DAPK2: variants seen among roughly 807,000 people sequenced by gnomAD.
DAPK2 encodes the protein death associated protein kinase 2, also known as death-associated protein kinase 2.
A neutral mutation model predicts 44.1 loss-of-function variants in DAPK2; 35 were observed. That is an observed-to-expected ratio of 0.79 (90% CI 0.61 to 1.05). DAPK2 has a LOEUF of 1.05. DAPK2 is among the 50% of genes least tolerant of loss of function. DAPK2 has a pLI of 0.00. For missense variants in DAPK2, 453 were observed against 483.2 expected (o/e 0.94, Z 0.59); for synonymous variants, 174 against 182.6 (o/e 0.95, Z 0.38).
At chr15:63,953,974 C>T (rs1485157108) in intron 3 of DAPK2, among the ~76,000 whole-genome samples, 1 of 152,062 alleles carries the variant, frequency 6.6e-6, no homozygotes, top group Non-Finnish European at 1.5e-5. Flanking sequence ...TCCTGTGATG[C>T]TGATTTTGCC....
chr15:63,998,739 G>A (rs2079012299), intron 1 of DAPK2, among the ~76,000 whole-genome samples: 1 of 152,208 alleles, frequency 6.6e-6, no homozygotes, highest in African/African-American at 2.4e-5. Context: ...GCCCTGCACT[G>A]TTCTGTCTAC....
At chr15:63,907,890 T>G (rs1163107725) in exon 11 of DAPK2, 1 of 152,072 alleles carries the variant, frequency 6.6e-6, no homozygotes, top group African/African-American at 2.4e-5. Flanking sequence ...CTAAAGGAAA[T>G]GAGATGGGGG....
chr15:63,912,819 C>T lies in DAPK2; in HGVS notation c.859-622G>A, dbSNP rs943503007. On this transcript the variant is annotated intron_variant, in intron 8 of 10. Transcript: ENST00000261891. The surrounding 1 kb of genome is among the most constrained non-coding windows in gnomAD (Gnocchi z 4.4). ...ACAGGGTTGTTAAGGATTATATGAT[C>T]ATGCATATATAAAGTGCTTAGCCCA... Among the ~76,000 whole-genome samples the T allele has an allele frequency of 6.6e-6, 1 of 152,096 alleles. No individual in the cohort carries two copies. The highest frequency in any genetic ancestry group is 2.4e-5 in the African/African-American group (1 of 41,404).
In DAPK2 at chr15:63,946,710, G is replaced by A. The variant is rs577902720; in HGVS notation, c.454-7349C>T. Among the ~76,000 whole-genome samples, 8 of 152,232 alleles carry A rather than the reference G, an allele frequency of 5.3e-5. No individual in the cohort carries two copies. In the South Asian group the frequency reaches 1.7e-3, roughly 32 times the overall value. ...GAAACTACCAAGGTCACTGAGCAAG[G>A]ACCTCCAGCCCAGTGCCCTCTCCAG... On this transcript the variant is annotated intron_variant, in intron 3 of 10. Coordinates refer to ENST00000261891, the Ensembl canonical transcript of DAPK2.
At chr15:63,962,790 CG>C (rs1340984765) in intron 3 of DAPK2, among the ~76,000 whole-genome samples, 5 of 152,208 alleles carry the variant, frequency 3.3e-5, no homozygotes, top group African/African-American at 9.6e-5. Context: ...TTAGGCTACT[CG>C]GGGGTCAGGG....
chr15:63,991,286 G>A (rs1313504588), intron 1 of DAPK2: 2 of 456,296 alleles, frequency 4.4e-6, no homozygotes, highest in South Asian at 1.5e-5. Context: ...TGAGAAACAC[G>A]CAGGGAGCAG....
intron 6 of DAPK2, chr15:63,928,528 T>C (rs1411468969): frequency 1.3e-5 from 2 of 152,228 alleles, no homozygotes; most frequent in Admixed American, 6.5e-5. Context: ...ACTAGCCCAC[T>C]GTGCATGTTC....
rs555564904 is a variant in DAPK2, at chr15:63,990,927, C to T, written c.93-7173G>A. On this transcript the variant is annotated intron_variant, in intron 1 of 10. Transcript: ENST00000261891. The surrounding 1 kb of genome is among the most constrained non-coding windows in gnomAD (Gnocchi z 4.3). ...GCCACAGCCTGCCTGGGGATGGTGT[C>T]ACTGAGCCCCCTCCCTACTCCTCTG... is the stretch of plus-strand genomic sequence containing the variant. Among the ~76,000 whole-genome samples the T allele has an allele frequency of 6.6e-5, 10 of 152,278 alleles. No individual in the cohort carries two copies. The South Asian group carries it at 1.7e-3, about 25-fold the overall frequency.
At chr15:63,913,264 T>G (rs1184165800) in intron 8 of DAPK2, among the ~76,000 whole-genome samples, 1 of 152,240 alleles carries the variant, frequency 6.6e-6, no homozygotes, top group Non-Finnish European at 1.5e-5. Context: ...GTAAATGTTC[T>G]GGAATTAGAT....
At chr15:64,046,327 C>CGGGCGCGGCGGG (rs1382470296), upstream of DAPK2, 18 of 950,698 alleles carry the variant, frequency 1.9e-5, no homozygotes, top group African/African-American at 3.5e-4. This position sits in a 1 kb window ranked among gnomAD's most constrained non-coding sequence, Gnocchi z 5.3. Flanking sequence ...GCGGTCGCGG[C>CGGGCGCGGCGGG]CGCGGCAGGC....
chr15:64,013,870 T>C lies in DAPK2; in HGVS notation c.92+26300A>G, dbSNP rs2079452877. ...AAATCATGATGCCATTATGAGCAGA[T>C]AGAAATCTCCTGCTTCAGGACTAAT... On this transcript the variant is annotated intron_variant, in intron 1 of 10. Coordinates refer to ENST00000261891, the Ensembl canonical transcript of DAPK2. This position sits in a 1 kb window ranked among gnomAD's most constrained non-coding sequence, Gnocchi z 4.7. 6.6e-6 allele frequency among the ~76,000 whole-genome samples: 1 copy of C among 152,198 alleles called. No individual in the cohort carries two copies. The highest frequency in any genetic ancestry group is 1.5e-5 in the Non-Finnish European group (1 of 68,024).
rs543289846 is a variant in DAPK2, at chr15:63,981,676, T to C, written c.314+1857A>G. Among the ~76,000 whole-genome samples, 5 of 151,204 alleles carry C rather than the reference T, an allele frequency of 3.3e-5. No individual in the cohort carries two copies. In the East Asian group the frequency reaches 5.8e-4, roughly 18 times the overall value. ...CTTAGTTTTTTTTTTTTCCTCCCCA[T>C]AATAAACTTTTTAAGAAGTGGCTCG... On this transcript the variant is annotated intron_variant, in intron 2 of 10. Transcript: ENST00000261891.
At chr15:63,941,546 T>C (rs563769664) in intron 3 of DAPK2, among the ~76,000 whole-genome samples, 228 of 152,344 alleles carry the variant, frequency 1.5e-3, no homozygotes, top group African/African-American at 5.1e-3. Context: ...CAGGTCCCCC[T>C]GGCTGCCTAT....
At chr15:63,971,478 A>G in exon 3 of DAPK2, 2 of 1,614,164 alleles carry the variant, frequency 1.2e-6, no homozygotes, top group African/African-American at 1.3e-5. Context: ...CCCATCCAGG[A>G]TCTGCTTAAT....
At chr15:63,924,307 G>A (rs2079175711) in intron 8 of DAPK2, among the ~76,000 whole-genome samples, 1 of 152,166 alleles carries the variant, frequency 6.6e-6, no homozygotes, top group Non-Finnish European at 1.5e-5. Context: ...AACAGTGGCT[G>A]TCTCTCTTCC....
intron 1 of DAPK2, among the ~76,000 whole-genome samples, chr15:64,003,017 G>A (rs932463920): frequency 6.2e-5 from 4 of 64,842 alleles, no homozygotes; most frequent in South Asian, 1.1e-3. Flanking sequence ...TGTGTGTGTC[G>A]TGGGACCAGA....
chr15:63,939,376 G>GAAA lies in DAPK2; in HGVS notation c.454-16_454-15insTTT. ...ATGTTTTCTGGCTGGACAACAAAAA[G>GAAA]TAGAAAAAAAAAAAAGGAAGGAAGA... On this transcript the variant is annotated splice_polypyrimidine_tract_variant and intron_variant, in intron 3 of 10. Transcript: ENST00000261891. The surrounding 1 kb of genome is among the most constrained non-coding windows in gnomAD (Gnocchi z 4.3). 1 of 1,348,432 alleles carries GAAA rather than the reference G, an allele frequency of 7.4e-7. No homozygotes were observed. Among genetic ancestry groups the GAAA allele is most frequent in the Non-Finnish European group, 9.8e-7 (1 of 1,022,322 alleles). The allele number at this position is 1,348,432 out of a possible 1,614,324, so 83.5% of individuals were successfully genotyped here. A position where few individuals can be genotyped will look rare whatever the true frequency, so the allele number is the denominator to read the frequency against.
intron 1 of DAPK2, among the ~76,000 whole-genome samples, chr15:64,037,717 G>A (rs1019352133): frequency 1.3e-5 from 2 of 152,162 alleles, no homozygotes; most frequent in Non-Finnish European, 2.9e-5. Flanking sequence ...CTGTTCTGTG[G>A]CCCCAGGCAA....
upstream of DAPK2, among the ~76,000 whole-genome samples, chr15:64,042,986 T>A (rs1347767766): frequency 6.6e-6 from 1 of 152,244 alleles, no homozygotes; most frequent in Non-Finnish European, 1.5e-5. The surrounding 1 kb of genome is among the most constrained non-coding windows in gnomAD (Gnocchi z 4.7). Context: ...ATATTCTGGC[T>A]TATGTTTATG....
Sources: gnomAD v4.1 joint callset for allele counts (sites outside exome capture counted in the v4.1 genomes callset) on GRCh38, gnomAD v4.1.1 for gene constraint, Gnocchi (gnomAD v3.1) non-coding constraint, MANE v1.5 for transcripts, NCBI Gene and HGNC (gene_info 2026-07-23, HGNC 2026-07-21) for gene names.